The following HDGFL3 variants were observed in gnomAD, a reference collection of about 807,000 sequenced individuals.
HDGFL3 encodes hepatoma-derived growth factor-related protein 3.
In HDGFL3, 6 loss-of-function variants were observed where a neutral mutation model predicts 27.6. That is an observed-to-expected ratio of 0.22 (90% confidence interval 0.12 to 0.43). HDGFL3 has a LOEUF of 0.43. Ranked by LOEUF, HDGFL3 falls within the 20% of genes least tolerant of loss-of-function variation. The pLI is 1.00. For missense variants in HDGFL3, 207 were observed against 250.1 expected (o/e 0.83, Z 1.16); for synonymous variants, 88 against 88.9 (o/e 0.99, Z 0.05).
At chr15:83,125,431 A>T (rs559177934), downstream of HDGFL3, among the ~76,000 whole-genome samples, 48 of 152,336 alleles carry the variant, frequency 3.2e-4, no homozygotes, top group South Asian at 8.9e-3. Flanking sequence ...GTGGCCTTGG[A>T]AAAACTACTT....
chr15:83,192,203 A>G, intron 1 of HDGFL3: 1 of 423,792 alleles, frequency 2.4e-6, no homozygotes, highest in Non-Finnish European at 4.7e-6. Flanking sequence ...CGGCCTCCCA[A>G]AGTGCTGGGA....
intron 3 of HDGFL3, among the ~76,000 whole-genome samples, chr15:83,117,719 T>G: frequency 6.6e-6 from 1 of 151,986 alleles, no homozygotes; most frequent in Admixed American, 6.6e-5. Flanking sequence ...CCAGCTGTGA[T>G]AGAGAGGAGA....
At chr15:83,176,877 C>A (rs547175800) in intron 1 of HDGFL3, among the ~76,000 whole-genome samples, 6 of 151,422 alleles carry the variant, frequency 4.0e-5, no homozygotes, top group Admixed American at 2.6e-4. Flanking sequence ...TACAAAATGT[C>A]AAATTTCCTA....
At chr15:83,191,646 T>C (rs572291585) in intron 1 of HDGFL3, among the ~76,000 whole-genome samples, 1 of 152,324 alleles carries the variant, frequency 6.6e-6, no homozygotes, top group African/African-American at 2.4e-5. Flanking sequence ...AATTTCCAAC[T>C]ATGTCTGTTA....
chr15:83,146,647 T>C (rs1419338961), intron 5 of HDGFL3, among the ~76,000 whole-genome samples: 2 of 152,182 alleles, frequency 1.3e-5, no homozygotes, highest in Non-Finnish European at 1.5e-5. Context: ...ACCTTAATTC[T>C]AGTTAAATTC....
At chr15:83,168,311 G>A (rs1254825090) in intron 1 of HDGFL3, among the ~76,000 whole-genome samples, 1 of 151,490 alleles carries the variant, frequency 6.6e-6, no homozygotes. Context: ...CAAAATCAGA[G>A]TGGAATTGAA....
chr15:83,186,992 G>GA (rs1400298089), intron 1 of HDGFL3, among the ~76,000 whole-genome samples: 3 of 151,378 alleles, frequency 2.0e-5, no homozygotes, highest in Non-Finnish European at 4.4e-5. Flanking sequence ...AATGAAAGGA[G>GA]AAAAAAAATG....
exon 4 of HDGFL3, chr15:83,113,555 T>C (rs944710615): frequency 6.6e-6 from 1 of 152,586 alleles, no homozygotes; most frequent in African/African-American, 2.4e-5. Context: ...GGTACCTTGC[T>C]GGGCATTTTG....
chr15:83,160,551 G>T, intron 2 of HDGFL3, among the ~76,000 whole-genome samples: 1 of 142,540 alleles, frequency 7.0e-6, no homozygotes, highest in Admixed American at 7.1e-5. Flanking sequence ...ATATTTTGGG[G>T]GGGGAACAAT....
At position 83,177,412 on chromosome 15, in the gene HDGFL3, T is replaced by C. The variant is rs527561193; in HGVS notation, c.85-13337A>G. ...CTCATAAAGACGCAAATAACATTTTTGAACTTCTTATATAAGGTCCACTGT... is the reference window on the plus strand; with the variant it reads ...CTCATAAAGACGCAAATAACATTTTCGAACTTCTTATATAAGGTCCACTGT... On this transcript the variant is annotated intron_variant, in intron 1 of 5. Coordinates refer to ENST00000299633, the MANE Select transcript of HDGFL3 (RefSeq NM_016073.4). 2.0e-5 allele frequency among the ~76,000 whole-genome samples: 3 copies of C among 152,366 alleles called. No individual in the cohort carries two copies. In the East Asian group the frequency reaches 5.8e-4, roughly 29 times the overall value.
chr15:83,121,499 C>A (rs2035240897), intron 3 of HDGFL3, among the ~76,000 whole-genome samples: 1 of 152,074 alleles, frequency 6.6e-6, no homozygotes. Context: ...TTCTGTGACC[C>A]CAGAAAAAGT....
chr15:83,196,505 A>G (rs1045817066), intron 1 of HDGFL3, among the ~76,000 whole-genome samples: 3 of 152,110 alleles, frequency 2.0e-5, no homozygotes, highest in Non-Finnish European at 4.4e-5. Context: ...TGAAAATCAC[A>G]AAACCTATTT....
At chr15:83,127,647 A>G (rs531127818), downstream of HDGFL3, 9 of 656,506 alleles carry the variant, frequency 1.4e-5, no homozygotes, top group East Asian at 5.9e-5. Flanking sequence ...TTTTATTTCA[A>G]TCTCACAATA....
chr15:83,142,960 C>A (rs1258592685), intron 5 of HDGFL3, among the ~76,000 whole-genome samples: 1 of 151,810 alleles, frequency 6.6e-6, no homozygotes, highest in Non-Finnish European at 1.5e-5. Context: ...GTTTTTATTT[C>A]TAATTAAATA....
intron 1 of HDGFL3, chr15:83,184,624 T>C (rs1372247885): frequency 6.6e-6 from 1 of 152,214 alleles, no homozygotes; most frequent in Non-Finnish European, 1.5e-5. Flanking sequence ...TCTTTATGAA[T>C]CTTTCCTCCG....
intron 4 of HDGFL3, among the ~76,000 whole-genome samples, chr15:83,153,985 C>T (rs1183990004): frequency 6.6e-6 from 1 of 151,910 alleles, no homozygotes. Flanking sequence ...CACTAATTTT[C>T]CATGCAAAGG....
chr15:83,198,054 CAAAA>C (rs766372255), intron 1 of HDGFL3, among the ~76,000 whole-genome samples: 1 of 57,596 alleles, frequency 1.7e-5, no homozygotes, highest in Admixed American at 2.7e-4. Flanking sequence ...GACTCCGTCT[CAAAA>C]AAAAAAAAAA....
Position 83,130,805 on chromosome 15 carries a change from C to T in HDGFL3, c.*8465G>A, listed in dbSNP as rs185549221. The T allele has an allele frequency of 3.0e-4, 46 of 152,316 alleles. No individual in the cohort carries two copies. Among genetic ancestry groups the T allele is most frequent in the African/African-American group, 1.1e-3 (46 of 41,562 alleles). The allele number at this position is 152,316 out of a possible 1,614,324, so 9.4% of individuals were successfully genotyped here. On this transcript the variant is annotated 3_prime_UTR_variant, in exon 6 of 6. Transcript: ENST00000299633. ...TGACACATTCATCACAGAAAGCACTCTCCAGCAAGGCACGGTGGCTCACAC... is the reference window on the plus strand; with the variant it reads ...TGACACATTCATCACAGAAAGCACTTTCCAGCAAGGCACGGTGGCTCACAC...
At chr15:83,144,221 T>G (rs992284233) in intron 5 of HDGFL3, among the ~76,000 whole-genome samples, 3 of 152,170 alleles carry the variant, frequency 2.0e-5, no homozygotes, top group South Asian at 4.2e-4. Context: ...TGAATCCAGC[T>G]CCAGGGGTGT....
Sources: allele counts gnomAD v4.1 joint callset (sites outside exome capture counted in the v4.1 genomes callset), GRCh38; gene constraint gnomAD v4.1.1; transcripts MANE v1.5; gene names NCBI Gene and HGNC (gene_info 2026-07-23, HGNC 2026-07-21).